Variants in CCSER1 observed in about 807,000 individuals in gnomAD.
CCSER1 encodes the protein coiled-coil serine rich protein 1.
Under a neutral mutation model 82.0 loss-of-function variants are expected in CCSER1, and 41 were observed. The ratio of observed to expected loss-of-function variants is 0.50; its 90% CI spans 0.39 to 0.65. CCSER1 has a LOEUF of 0.65. CCSER1 is among the 30% of genes least tolerant of loss of function. The pLI, the probability that CCSER1 is intolerant of heterozygous loss-of-function variation, is 0.00. For missense variants in CCSER1, 1,119 were observed against 1,064.2 expected (o/e 1.05, Z -0.72); for synonymous variants, 414 against 383.9 (o/e 1.08, Z -0.92).
rs562337074 is a variant in CCSER1, at chr4:90,165,187, A to G, written c.-42+37356A>G. Among the ~76,000 whole-genome samples the G allele has an allele frequency of 4.6e-5, 7 of 152,218 alleles. No homozygotes were observed. In the East Asian group the frequency reaches 1.2e-3, roughly 25 times the overall value. On this transcript the variant is annotated intron_variant, in intron 1 of 10. Coordinates refer to ENST00000509176, the MANE Select transcript of CCSER1 (RefSeq NM_001145065.2). ...AGCTTCTCTGATACCAGTTGTGCCA[A>G]ATATTAAGTTTCACTATACACAATA... is the stretch of plus-strand genomic sequence containing the variant.
intron 8 of CCSER1, among the ~76,000 whole-genome samples, chr4:90,871,465 G>C (rs1280079047): frequency 1.3e-5 from 2 of 151,820 alleles, no homozygotes; most frequent in African/African-American, 4.8e-5. Flanking sequence ...CCATGGGCTT[G>C]TGTAGTTTTC....
At chr4:90,501,559 C>T (rs958369756) in intron 5 of CCSER1, among the ~76,000 whole-genome samples, 1 of 152,162 alleles carries the variant, frequency 6.6e-6, no homozygotes, top group Non-Finnish European at 1.5e-5. Context: ...GACAGTTCAA[C>T]TGTTACTCTC....
chr4:90,817,642 TA>T (rs57646927), intron 8 of CCSER1, among the ~76,000 whole-genome samples: 8,924 of 151,844 alleles, frequency 0.059, 596 homozygotes, highest in African/African-American at 0.17. Flanking sequence ...ATGTTAACTT[TA>T]AAAAAAATAT....
chr4:91,315,150 A>AGTGTGT (rs67135461), intron 10 of CCSER1, among the ~76,000 whole-genome samples: 55 of 149,568 alleles, frequency 3.7e-4, no homozygotes, highest in African/African-American at 1.3e-3. Flanking sequence ...CGTGTGTGCA[A>AGTGTGT]GTGTGTGTGT....
At chr4:91,283,537 C>G (rs1743069278) in intron 10 of CCSER1, among the ~76,000 whole-genome samples, 1 of 152,068 alleles carries the variant, frequency 6.6e-6, no homozygotes. Flanking sequence ...TTTCACAAAA[C>G]TTCCTGTCAA....
chr4:91,083,600 A>G (rs2148810775), intron 9 of CCSER1, among the ~76,000 whole-genome samples: 1 of 152,270 alleles, frequency 6.6e-6, no homozygotes, highest in East Asian at 1.9e-4. Flanking sequence ...ACTATTACAA[A>G]TAAAAATGTC....
At chr4:91,324,480 T>C (rs1746412870) in intron 10 of CCSER1, among the ~76,000 whole-genome samples, 1 of 152,142 alleles carries the variant, frequency 6.6e-6, no homozygotes, top group Non-Finnish European at 1.5e-5. Context: ...TAAATTTAAA[T>C]TTCTAAAGAA....
At chr4:90,602,722 A>C (rs1285139172) in intron 5 of CCSER1, among the ~76,000 whole-genome samples, 2 of 148,946 alleles carry the variant, frequency 1.3e-5, no homozygotes, top group African/African-American at 4.9e-5. Flanking sequence ...ACCCCTGCTT[A>C]CCCTCCGCAA....
chr4:91,298,165 A>G (rs1420305829), intron 10 of CCSER1, among the ~76,000 whole-genome samples: 1 of 152,052 alleles, frequency 6.6e-6, no homozygotes, highest in African/African-American at 2.4e-5. Context: ...AGTAGAAATA[A>G]GTATTAGAAA....
At chr4:90,789,807 A>C (rs1252071708) in intron 7 of CCSER1, among the ~76,000 whole-genome samples, 7 of 152,038 alleles carry the variant, frequency 4.6e-5, no homozygotes, top group African/African-American at 1.7e-4. Context: ...AGCCCATTAA[A>C]CTTCTTTTAC....
Position 90,873,060 on chromosome 4 carries a change from G to A in CCSER1, c.2095-50310G>A, listed in dbSNP as rs928751072. 4.0e-5 allele frequency among the ~76,000 whole-genome samples: 6 copies of A among 151,820 alleles called. No homozygotes were observed. The East Asian group carries it at 9.7e-4, about 25-fold the overall frequency. ...TTAAATATCTTAGGTAGTCTTATGC[G>A]GGTTAAATCTGCTTGGTTTTCTTTA... On this transcript the variant is annotated intron_variant, in intron 8 of 10. Transcript: ENST00000509176.
chr4:90,744,951 T>C (rs971949120), intron 7 of CCSER1, among the ~76,000 whole-genome samples: 1 of 130,090 alleles, frequency 7.7e-6, no homozygotes, highest in African/African-American at 3.4e-5. Flanking sequence ...TCATACATTT[T>C]ATATATATTA....
intron 5 of CCSER1, among the ~76,000 whole-genome samples, chr4:90,482,106 G>C (rs1252165922): frequency 6.6e-6 from 1 of 152,158 alleles, no homozygotes; most frequent in African/African-American, 2.4e-5. Flanking sequence ...TTGGGAGAGT[G>C]TGTGTGTTGA....
intron 10 of CCSER1, among the ~76,000 whole-genome samples, chr4:91,478,085 A>G (rs931999819): frequency 3.3e-5 from 5 of 151,896 alleles, no homozygotes; most frequent in African/African-American, 9.7e-5. Context: ...ATTGCTTACG[A>G]TCATTAAAAG....
chr4:90,160,007 C>T (rs879825067), intron 1 of CCSER1, among the ~76,000 whole-genome samples: 14 of 152,218 alleles, frequency 9.2e-5, no homozygotes, highest in Admixed American at 9.2e-4. Flanking sequence ...TTTTAATAAT[C>T]ATCCTATTAG....
chr4:90,337,289 C>T (rs538084215), intron 3 of CCSER1, among the ~76,000 whole-genome samples: 3 of 152,278 alleles, frequency 2.0e-5, no homozygotes, highest in South Asian at 2.1e-4. Flanking sequence ...ATTCTCTATA[C>T]CTCCATATTG....
rs1469395622 is a variant in CCSER1 at position 91,411,516 on chromosome 4, A to G, written c.2218-187056A>G. 1.8e-4 allele frequency among the ~76,000 whole-genome samples: 20 copies of G among 112,968 alleles called. 1 individual carries two copies. The highest frequency in any genetic ancestry group is 9.9e-3 in the Middle Eastern group (2 of 202). The allele number at this position is 112,968 out of a possible 152,430, so 74.1% of individuals were successfully genotyped here. ...CATATATATATATATATATATATATATATATATATAAAATCTTGACTAGTT... is the reference window on the plus strand; with the variant it reads ...CATATATATATATATATATATATATGTATATATATAAAATCTTGACTAGTT... On this transcript the variant is annotated intron_variant, in intron 10 of 10. Transcript: ENST00000509176.
At chr4:91,171,983 G>A (rs1732807876) in intron 10 of CCSER1, among the ~76,000 whole-genome samples, 1 of 151,696 alleles carries the variant, frequency 6.6e-6, no homozygotes, top group Non-Finnish European at 1.5e-5. Flanking sequence ...AAGATATTCT[G>A]ATCTTCTTTA....
At chr4:90,721,891 C>T (rs1365883598) in intron 6 of CCSER1, among the ~76,000 whole-genome samples, 1 of 150,528 alleles carries the variant, frequency 6.6e-6, no homozygotes, top group African/African-American at 2.4e-5. Context: ...AAATATTTAT[C>T]TCAATATTTC....
Sources: gnomAD v4.1 joint callset for allele counts (sites outside exome capture counted in the v4.1 genomes callset) on GRCh38, gnomAD v4.1.1 for gene constraint, MANE v1.5 for transcripts, NCBI Gene and HGNC (gene_info 2026-07-23, HGNC 2026-07-21) for gene names.